The following PALS2 variants were observed in gnomAD, a reference collection of about 807,000 sequenced individuals.
PALS2 encodes protein PALS2.
A neutral mutation model predicts 61.6 loss-of-function variants in PALS2; 27 were observed. The ratio of observed to expected loss-of-function variants is 0.44; its 90% CI spans 0.32 to 0.60. The LOEUF is 0.60. Ranked by LOEUF, PALS2 falls within the 20% of genes least tolerant of loss-of-function variation. PALS2 has a pLI of 0.05. For missense variants in PALS2, 554 were observed against 639.4 expected, an observed-to-expected ratio of 0.87 and a Z score of 1.44; for synonymous variants, 236 against 218.6, an observed-to-expected ratio of 1.08 and a Z score of -0.70.
chr7:24,653,891 G>T (rs1426094904), intron 5 of PALS2, among the ~76,000 whole-genome samples: 1 of 152,130 alleles, frequency 6.6e-6, no homozygotes, highest in East Asian at 1.9e-4. Context: ...AACCAGCTTG[G>T]TGTCAACAAG....
intron 1 of PALS2, among the ~76,000 whole-genome samples, chr7:24,600,142 A>G (rs1305408191): frequency 6.6e-6 from 1 of 152,150 alleles, no homozygotes; most frequent in East Asian, 1.9e-4. Context: ...CAGATCTATG[A>G]ACATTCCTCT....
chr7:24,670,907 C>T (rs75545703), intron 9 of PALS2, among the ~76,000 whole-genome samples: 9,673 of 152,190 alleles, frequency 0.064, 359 homozygotes, highest in African/African-American at 0.095. Flanking sequence ...GGCTATACCA[C>T]ATTTTATTTA....
chr7:24,619,210 A>G (rs1338675671), intron 1 of PALS2, among the ~76,000 whole-genome samples: 3 of 152,014 alleles, frequency 2.0e-5, no homozygotes, highest in Non-Finnish European at 4.4e-5. Context: ...CTTTCTGTGT[A>G]TCACAATTTA....
intron 10 of PALS2, 139 bp from the exon 11 acceptor site, chr7:24,680,253 G>T: frequency 1.3e-6 from 1 of 770,760 alleles, no homozygotes. Context: ...GGAATGAGAA[G>T]GACAGAACAG....
At position 24,591,925 on chromosome 7, in the gene PALS2, G is replaced by A. The variant is rs533547297; in HGVS notation, c.-3+18332G>A. 5.3e-5 allele frequency among the ~76,000 whole-genome samples: 8 copies of A among 152,042 alleles called. No individual in the cohort carries two copies. The South Asian group carries it at 1.0e-3, about 20-fold the overall frequency. On this transcript the variant is annotated intron_variant, in intron 1 of 11. Coordinates refer to ENST00000222644, the MANE Select transcript of PALS2 (RefSeq NM_001303037.2). ...TTTCATGATAAAGAAACACTAGATA[G>A]CACTTCAGTGCTATGATTGGGGACC...
At chr7:24,679,378 T>A in intron 10 of PALS2, 45 bp downstream of exon 10, 4 of 1,593,324 alleles carry the variant, frequency 2.5e-6, no homozygotes, top group Non-Finnish European at 3.4e-6. Flanking sequence ...TTATTTTCTG[T>A]GGAGTTTTTT....
chr7:24,675,485 C>T (rs1325565606), intron 9 of PALS2, among the ~76,000 whole-genome samples: 2 of 150,026 alleles, frequency 1.3e-5, no homozygotes, highest in African/African-American at 4.9e-5. Flanking sequence ...TGGTGTGCTG[C>T]ACCCATTAAC....
rs529144384 is a variant in PALS2 at position 24,607,624 on chromosome 7, T to C, written c.-2-16042T>C. ...GTGTATATATACATATATATGTGTGTATATATACATATATGTATGTATATG... is the reference window on the plus strand; with the variant it reads ...GTGTATATATACATATATATGTGTGCATATATACATATATGTATGTATATG... On this transcript the variant is annotated intron_variant, in intron 1 of 11. Transcript: ENST00000222644. Among the ~76,000 whole-genome samples the C allele has an allele frequency of 2.5e-4, 37 of 150,042 alleles. 1 individual carries two copies. Among genetic ancestry groups the C allele is most frequent in the African/African-American group, 9.2e-4 (37 of 40,080 alleles).
intron 9 of PALS2, 140 bp downstream of exon 9, chr7:24,668,800 A>G (rs1328845759): frequency 1.9e-6 from 2 of 1,044,512 alleles, no homozygotes; most frequent in Admixed American, 5.5e-5. Flanking sequence ...CAAGTAAAAG[A>G]CATTGAAAAA....
Position 24,666,080 on chromosome 7 carries a change from A to G in PALS2, c.943A>G (p.Arg315Gly), listed in dbSNP as rs376233677. 3.7e-6 allele frequency: 6 copies of G among 1,610,842 alleles called. No homozygotes were observed. Among genetic ancestry groups the G allele is most frequent in the Non-Finnish European group, 5.1e-6 (6 of 1,177,838 alleles). The change falls in exon 8 of 12, where the codon AGA (arginine) becomes GGA (glycine). Residue 315 changes from arginine to glycine, a missense_variant. By Grantham distance (125) the Arg-to-Gly change is moderately radical. Coordinates refer to ENST00000222644, the MANE Select transcript of PALS2 (RefSeq NM_001303037.2). ...GAAAAAGATGATGTATCTCACAACC[A>G]GAAATGCAGGTAGGTTTTAAATACT... The part of the protein sequence containing the change: ...KKKKMMYLTT[R>G]NAEFDRHEIQ...
At chr7:24,610,718 C>G (rs1784084134) in intron 1 of PALS2, among the ~76,000 whole-genome samples, 1 of 151,980 alleles carries the variant, frequency 6.6e-6, no homozygotes, top group Non-Finnish European at 1.5e-5. Flanking sequence ...GTTCTTTTTT[C>G]TTTATCATCT....
At chr7:24,642,684 T>C (rs1785623685) in intron 3 of PALS2, among the ~76,000 whole-genome samples, 1 of 152,150 alleles carries the variant, frequency 6.6e-6, no homozygotes, top group South Asian at 2.1e-4. Context: ...CAGCCAAAGA[T>C]TTTATGTGAC....
Position 24,687,342 on chromosome 7 carries a change from A to G in PALS2, c.1447-96A>G, listed in dbSNP as rs752004156. Reference sequence around the variant, plus strand: ...GATTAATACCAGAATTACCAGAAATATATCTAACCTATTTATTATATTCAC... The same window carrying G: ...GATTAATACCAGAATTACCAGAAATGTATCTAACCTATTTATTATATTCAC... On this transcript the variant is annotated intron_variant, in intron 11 of 11. Transcript: ENST00000222644. This position sits in a 1 kb window ranked among gnomAD's most constrained non-coding sequence, Gnocchi z 4.5. 5 of 922,658 alleles carry G rather than the reference A, an allele frequency of 5.4e-6. No individual in the cohort carries two copies. Among genetic ancestry groups the G allele is most frequent in the Non-Finnish European group, 6.6e-6 (4 of 605,294 alleles). 57.2% of individuals were successfully genotyped at this position (922,658 alleles called of 1,614,324 possible).
intron 9 of PALS2, among the ~76,000 whole-genome samples, chr7:24,674,990 T>C (rs1315761463): frequency 6.6e-6 from 1 of 152,202 alleles, no homozygotes; most frequent in Non-Finnish European, 1.5e-5. Context: ...AGTTGCGCAG[T>C]ATAGAAGTCT....
intron 2 of PALS2, among the ~76,000 whole-genome samples, chr7:24,629,318 C>A (rs1296414524): frequency 6.6e-6 from 1 of 152,132 alleles, no homozygotes; most frequent in African/African-American, 2.4e-5. Context: ...CTTCCTTACA[C>A]CTTATTACAA....
At chr7:24,604,222 A>AAG (rs1329872251) in intron 1 of PALS2, among the ~76,000 whole-genome samples, 2 of 125,230 alleles carry the variant, frequency 1.6e-5, no homozygotes, top group African/African-American at 6.7e-5. Context: ...AAGAAAAGAA[A>AAG]AAAAAAAAAA....
intron 1 of PALS2, among the ~76,000 whole-genome samples, chr7:24,591,491 AT>A (rs1163713164): frequency 1.3e-5 from 2 of 152,200 alleles, no homozygotes; most frequent in African/African-American, 4.8e-5. Context: ...TATTTATTAA[AT>A]GTGATGTGTC....
chr7:24,640,754 A>G (rs1251072956), intron 2 of PALS2, among the ~76,000 whole-genome samples: 1 of 152,146 alleles, frequency 6.6e-6, no homozygotes, highest in Admixed American at 6.5e-5. Flanking sequence ...CATGCCTGTA[A>G]TCCCAGCACT....
chr7:24,591,407 A>G (rs530164726), intron 1 of PALS2, among the ~76,000 whole-genome samples: 59 of 152,272 alleles, frequency 3.9e-4, no homozygotes, highest in Non-Finnish European at 7.2e-4. Context: ...GGCTCTTACC[A>G]TAAAGTCTAG....
Sources: allele counts gnomAD v4.1 joint callset (sites outside exome capture counted in the v4.1 genomes callset), GRCh38; gene constraint gnomAD v4.1.1; non-coding constraint Gnocchi (gnomAD v3.1); transcripts MANE v1.5; gene names NCBI Gene and HGNC (gene_info 2026-07-23, HGNC 2026-07-21).